Variants in PADI1 observed in about 807,000 individuals in gnomAD.
PADI1 encodes peptidyl arginine deiminase 1.
A neutral mutation model predicts 74.8 loss-of-function variants in PADI1; 65 were observed. The observed-to-expected ratio is 0.87, with a 90% confidence interval of 0.71 to 1.07. The LOEUF is 1.07. Ranked by LOEUF, PADI1 falls within the 50% of genes least tolerant of loss-of-function variation. The pLI, the probability that PADI1 is intolerant of heterozygous loss-of-function variation, is 0.00. For missense variants in PADI1, 943 were observed against 854.0 expected (o/e 1.10, Z -1.30); for synonymous variants, 371 against 336.2 (o/e 1.10, Z -1.13).
At position 17,240,441 on chromosome 1, in the gene PADI1, C is replaced by T. The variant is rs961442701; in HGVS notation, c.1633-194C>T. The stretch of plus-strand genomic sequence containing the variant: ...GAACCCCAGCTTTGGCACATCCTAG[C>T]CTTGTGCACTTGAGCAGGTTGCCTG... On this transcript the variant is annotated intron_variant, in intron 14 of 15. Coordinates refer to ENST00000375471, the MANE Select transcript of PADI1 (RefSeq NM_013358.3). 5.4e-6 allele frequency: 3 copies of T among 559,460 alleles called. No individual in the cohort carries two copies. In the African/African-American group the frequency reaches 5.7e-5, roughly 11 times the overall value. The allele number at this position is 559,460 out of a possible 1,614,324, so 34.7% of individuals were successfully genotyped here. A position where few individuals can be genotyped will look rare whatever the true frequency, so the allele number is the denominator to read the frequency against.
At position 17,230,721 on chromosome 1, in the gene PADI1, C is replaced by T. The variant is rs752855503; in HGVS notation, c.1161+42C>T. ...AGAGTGCAGAAACCCTGGTTGGGTC[C>T]TCCTGGAGGCGCACCAGTGAAGTCT... On this transcript the variant is annotated intron_variant, in intron 10 of 15. Transcript: ENST00000375471. The T allele has an allele frequency of 8.8e-6, 10 of 1,131,080 alleles. No individual in the cohort carries two copies. In the African/African-American group the frequency reaches 1.4e-4, roughly 16 times the overall value. The allele number at this position is 1,131,080 out of a possible 1,614,324, so 70.1% of individuals were successfully genotyped here. A position where few individuals can be genotyped will look rare whatever the true frequency, so the allele number is the denominator to read the frequency against.
chr1:17,217,170 A>G (rs1190642055), intron 1 of PADI1, among the ~76,000 whole-genome samples: 1 of 152,068 alleles, frequency 6.6e-6, no homozygotes, highest in African/African-American at 2.4e-5. Context: ...TGCCTATTCC[A>G]ATTACACATT....
intron 7 of PADI1, 73 bp downstream of exon 7, chr1:17,228,870 G>A: frequency 6.3e-7 from 1 of 1,593,934 alleles, no homozygotes. Flanking sequence ...TCCAGGGCTG[G>A]GCAGGCTGGG....
chr1:17,235,310 G>GAAGGAAGGAAGGAAGGAGT (rs2072615229), intron 11 of PADI1, among the ~76,000 whole-genome samples: 1 of 151,692 alleles, frequency 6.6e-6, no homozygotes, highest in African/African-American at 2.4e-5. Context: ...AAGGAAGGAG[G>GAAGGAAGGAAGGAAGGAGT]CAAAGTAGTG....
intron 1 of PADI1, among the ~76,000 whole-genome samples, chr1:17,215,965 T>C (rs1476557360): frequency 2.0e-5 from 3 of 152,116 alleles, no homozygotes; most frequent in Non-Finnish European, 4.4e-5. Context: ...TGTCACGCCA[T>C]TTGCAACAGG....
intron 4 of PADI1, 69 bp from the exon 5 acceptor site, chr1:17,225,742 C>T: frequency 9.7e-7 from 1 of 1,029,516 alleles, no homozygotes; most frequent in Non-Finnish European, 1.5e-6. Flanking sequence ...CCCGCCCTGG[C>T]CATGTCTAGA....
chr1:17,208,828 T>C (rs527392646), intron 1 of PADI1, among the ~76,000 whole-genome samples: 9 of 152,320 alleles, frequency 5.9e-5, no homozygotes, highest in African/African-American at 2.2e-4. Context: ...TGGCCCTCCT[T>C]GACTGCCCAG....
chr1:17,220,255 G>A (rs568753225), intron 1 of PADI1, among the ~76,000 whole-genome samples: 3 of 151,982 alleles, frequency 2.0e-5, no homozygotes, highest in Non-Finnish European at 4.4e-5. Context: ...ATTAGGGAGC[G>A]CCAAGTAGGA....
At chr1:17,219,699 G>A (rs1028808800) in intron 1 of PADI1, among the ~76,000 whole-genome samples, 4 of 152,088 alleles carry the variant, frequency 2.6e-5, no homozygotes, top group Admixed American at 6.5e-5. Context: ...GATGGGTGGT[G>A]TAGTCTGGAA....
chr1:17,223,309 G>A (rs1402900005), intron 2 of PADI1, among the ~76,000 whole-genome samples: 1 of 152,086 alleles, frequency 6.6e-6, no homozygotes, highest in South Asian at 2.1e-4. Flanking sequence ...CGATGGAGCC[G>A]GCTGCTCCTC....
intron 6 of PADI1, among the ~76,000 whole-genome samples, chr1:17,226,829 C>T (rs1031014423): frequency 2.0e-4 from 31 of 152,144 alleles, no homozygotes; most frequent in Non-Finnish European, 2.9e-4. Flanking sequence ...GAGGGTGGAT[C>T]ACAAGGTCAG....
chr1:17,235,413 C>T (rs1161461763), intron 11 of PADI1, among the ~76,000 whole-genome samples: 2 of 152,062 alleles, frequency 1.3e-5, no homozygotes, highest in Non-Finnish European at 1.5e-5. Flanking sequence ...CGAAAAAACT[C>T]GGTATGGGTG....
rs569012526 is a variant in PADI1, at chr1:17,213,098, C to G, written c.92+7789C>G. 2.0e-5 allele frequency among the ~76,000 whole-genome samples: 3 copies of G among 152,234 alleles called. No homozygotes were observed. In the South Asian group the frequency reaches 6.2e-4, roughly 32 times the overall value. On this transcript the variant is annotated intron_variant, in intron 1 of 15. Coordinates refer to ENST00000375471, the MANE Select transcript of PADI1 (RefSeq NM_013358.3). Reference sequence around the variant, plus strand: ...GCACTCATTTTAATACCAGCCAGGACAGCTTCTCACTTTGCTATCTGGGTG... The same window carrying G: ...GCACTCATTTTAATACCAGCCAGGAGAGCTTCTCACTTTGCTATCTGGGTG...
Position 17,205,405 on chromosome 1 carries a change from A to G in PADI1, c.92+96A>G, listed in dbSNP as rs114196693. ...TGGTAGACAAGTCAGGCACGTTGGAAAGGATGCTGGCAGGAGATAGCAGAG... is the reference window on the plus strand; with the variant it reads ...TGGTAGACAAGTCAGGCACGTTGGAGAGGATGCTGGCAGGAGATAGCAGAG... On this transcript the variant is annotated intron_variant, in intron 1 of 15. Transcript: ENST00000375471. 1,184 of 906,676 alleles carry G rather than the reference A, an allele frequency of 1.3e-3. 7 individuals are homozygous for G. In the African/African-American group the frequency reaches 0.017, roughly 13 times the overall value. 56.2% of individuals were successfully genotyped at this position (906,676 alleles called of 1,614,324 possible).
intron 1 of PADI1, among the ~76,000 whole-genome samples, chr1:17,218,588 G>T (rs1485343853): frequency 6.6e-6 from 1 of 152,206 alleles, no homozygotes; most frequent in Admixed American, 6.5e-5. Flanking sequence ...AGACCCACTG[G>T]GTTTGGCAAC....
At chr1:17,226,241 T>C (rs917050777) in intron 6 of PADI1, 83 bp downstream of exon 6, 3 of 1,493,934 alleles carry the variant, frequency 2.0e-6, no homozygotes, top group African/African-American at 2.8e-5. Flanking sequence ...TTTTTTTCCA[T>C]CACCTTTTTG....
chr1:17,233,885 G>A (rs77946668), intron 11 of PADI1, among the ~76,000 whole-genome samples: 10,808 of 152,298 alleles, frequency 0.071, 504 homozygotes, highest in Non-Finnish European at 0.11. Context: ...ACCCAGGCAC[G>A]TAACTGGGTG....
intron 10 of PADI1, among the ~76,000 whole-genome samples, chr1:17,230,920 AG>A (rs1357768572): frequency 1.3e-5 from 2 of 152,208 alleles, no homozygotes; most frequent in Admixed American, 6.5e-5. Context: ...TGGGAGGGGC[AG>A]GTCAGCAGCC....
chr1:17,242,156 G>A (rs1359759175), intron 15 of PADI1, among the ~76,000 whole-genome samples: 1 of 152,190 alleles, frequency 6.6e-6, no homozygotes, highest in Non-Finnish European at 1.5e-5. Flanking sequence ...GTGCCTCGCA[G>A]GATGCTTAGC....
Sources: gnomAD v4.1 joint callset for allele counts (sites outside exome capture counted in the v4.1 genomes callset) on GRCh38, gnomAD v4.1.1 for gene constraint, MANE v1.5 for transcripts, NCBI Gene and HGNC (gene_info 2026-07-23, HGNC 2026-07-21) for gene names.